Variants in HELZ observed in about 807,000 individuals in gnomAD.
HELZ encodes the protein helicase with zinc finger, also known as ATP-dependent RNA helicase with zinc finger domain.
A neutral mutation model predicts 218.2 loss-of-function variants in HELZ; 23 were observed. That is an observed-to-expected ratio of 0.11 (90% CI 0.08 to 0.15). The LOEUF (loss-of-function observed/expected upper bound fraction) is 0.15. Among genes scored for constraint, HELZ ranks in the 10% least tolerant of loss-of-function variants. The pLI, the probability that HELZ is intolerant of heterozygous loss-of-function variation, is 1.00. For synonymous variants in HELZ, 814 were observed against 829.4 expected (o/e 0.98, Z 0.32); for missense variants, 1,813 against 2,353.7 (o/e 0.77, Z 4.75).
intron 24 of HELZ, among the ~76,000 whole-genome samples, chr17:67,126,714 T>A (rs1442474380): frequency 3.5e-5 from 5 of 140,916 alleles, no homozygotes; most frequent in Non-Finnish European, 8.1e-5. Flanking sequence ...CACACAAAAC[T>A]ACTGGGCATG....
intron 3 of HELZ, among the ~76,000 whole-genome samples, chr17:67,219,844 A>G (rs1045950148): frequency 1.3e-5 from 2 of 152,236 alleles, no homozygotes; most frequent in African/African-American, 4.8e-5. Context: ...GATCACTAAA[A>G]TAGTCCAAGT....
chr17:67,227,011 T>C (rs1484336014), intron 3 of HELZ, among the ~76,000 whole-genome samples: 1 of 152,088 alleles, frequency 6.6e-6, no homozygotes, highest in African/African-American at 2.4e-5. Flanking sequence ...TATAAAAGAA[T>C]AGCATGAGGG....
At chr17:67,106,902 C>A (rs1041780540) in intron 31 of HELZ, among the ~76,000 whole-genome samples, 1 of 152,142 alleles carries the variant, frequency 6.6e-6, no homozygotes, top group African/African-American at 2.4e-5. Context: ...AAAGACAAAG[C>A]TCCTTGAATA....
intron 32 of HELZ, among the ~76,000 whole-genome samples, chr17:67,083,559 C>T (rs1466118097): frequency 6.6e-6 from 1 of 152,128 alleles, no homozygotes; most frequent in Non-Finnish European, 1.5e-5. Context: ...TCCCAGGAGG[C>T]GGAGGCTGCA....
intron 7 of HELZ, 133 bp from the exon 8 acceptor site, chr17:67,195,603 C>A: frequency 5.4e-6 from 3 of 559,016 alleles, no homozygotes; most frequent in East Asian, 2.9e-5. Context: ...TAATATGTTG[C>A]CAATGATTTT....
chr17:67,175,712 CT>C (rs1300801291), intron 13 of HELZ, among the ~76,000 whole-genome samples: 1 of 152,202 alleles, frequency 6.6e-6, no homozygotes, highest in African/African-American at 2.4e-5. Context: ...CCAGGGTTAC[CT>C]TTAGGTGAGA....
In HELZ at chr17:67,077,913, T is replaced by C. The variant is rs896038755; in HGVS notation, c.*339A>G. The C allele has an allele frequency of 6.4e-6, 1 of 157,384 alleles. No individual in the cohort carries two copies. The highest frequency in any genetic ancestry group is 1.8e-4 in the East Asian group (1 of 5,474). The allele number at this position is 157,384 out of a possible 1,614,324, so 9.7% of individuals were successfully genotyped here. ...CTTACAATTTTTTTTTCTTTTTAAA[T>C]ACATTTTAGACAAACTTTTCTTTTT... On this transcript the variant is annotated 3_prime_UTR_variant, in exon 33 of 33. Coordinates refer to ENST00000358691, the MANE Select transcript of HELZ (RefSeq NM_014877.4).
At chr17:67,176,769 G>C (rs1280780076) in intron 13 of HELZ, 1 of 152,214 alleles carries the variant, frequency 6.6e-6, no homozygotes, top group Admixed American at 6.5e-5. Context: ...CCCAGCCCGG[G>C]AGGTTGAGGC....
At chr17:67,201,386 T>C (rs532258014) in intron 6 of HELZ, among the ~76,000 whole-genome samples, 1 of 152,318 alleles carries the variant, frequency 6.6e-6, no homozygotes, top group South Asian at 2.1e-4. Context: ...GGAAAAACTA[T>C]ACAGAATGCC....
intron 3 of HELZ, among the ~76,000 whole-genome samples, chr17:67,234,392 C>T (rs2041124643): frequency 2.0e-5 from 3 of 151,816 alleles, no homozygotes; most frequent in Non-Finnish European, 2.9e-5. Flanking sequence ...CCACATCTCT[C>T]CATTCAACCT....
Position 67,077,215 on chromosome 17 carries a change from A to G in HELZ, c.*1037T>C, listed in dbSNP as rs1438101119. ...TTTAATGGTGTTCCTCAAACAAGAC[A>G]GCTAGCAAAATATTTGAATTGCCAC... On this transcript the variant is annotated 3_prime_UTR_variant, in exon 33 of 33. Coordinates refer to ENST00000358691, the MANE Select transcript of HELZ (RefSeq NM_014877.4). 2 of 152,634 alleles carry G rather than the reference A, an allele frequency of 1.3e-5. No individual in the cohort carries two copies. Among genetic ancestry groups the G allele is most frequent in the African/African-American group, 2.4e-5 (1 of 41,454 alleles). The allele number at this position is 152,634 out of a possible 1,614,324, so 9.5% of individuals were successfully genotyped here.
At chr17:67,085,941 TTTTG>T (rs1459121125) in intron 32 of HELZ, among the ~76,000 whole-genome samples, 3 of 152,228 alleles carry the variant, frequency 2.0e-5, no homozygotes, top group African/African-American at 7.2e-5. Flanking sequence ...TCTATGCCTT[TTTTG>T]TTTTTTAGCC....
chr17:67,128,928 A>G (rs1350840915), intron 23 of HELZ, 73 bp from the exon 24 acceptor site: 1 of 1,162,528 alleles, frequency 8.6e-7, no homozygotes, highest in Non-Finnish European at 1.3e-6. Context: ...AAATAACTAA[A>G]GATAATCTCA....
At chr17:67,203,279 T>A in intron 6 of HELZ, 40 bp downstream of exon 6, 2 of 1,598,720 alleles carry the variant, frequency 1.3e-6, no homozygotes, top group Non-Finnish European at 1.7e-6. Flanking sequence ...CAAATAAAAA[T>A]TTGTTTTCAG....
chr17:67,168,359 C>T (rs768601527), intron 13 of HELZ, among the ~76,000 whole-genome samples: 8 of 152,062 alleles, frequency 5.3e-5, no homozygotes, highest in Non-Finnish European at 1.0e-4. Flanking sequence ...AGAATATGCA[C>T]ATTCAAAAAA....
At chr17:67,138,748 A>C (rs950132448) in intron 21 of HELZ, among the ~76,000 whole-genome samples, 17 of 152,196 alleles carry the variant, frequency 1.1e-4, no homozygotes, top group South Asian at 8.3e-4. Context: ...CCTTGCAATA[A>C]AGCAATGCCA....
chr17:67,123,627 A>T (rs2037688207), intron 25 of HELZ, among the ~76,000 whole-genome samples: 1 of 152,184 alleles, frequency 6.6e-6, no homozygotes, highest in Non-Finnish European at 1.5e-5. Context: ...AATATTTATG[A>T]TCTGATATTT....
chr17:67,108,851 G>A lies in HELZ; in HGVS notation c.4490-125C>T. 1.3e-6 allele frequency: 1 copy of A among 780,596 alleles called. No homozygotes were observed. The highest frequency in any genetic ancestry group is 3.0e-4 in the Middle Eastern group (1 of 3,290). The allele number at this position is 780,596 out of a possible 1,614,324, so 48.4% of individuals were successfully genotyped here. A position where few individuals can be genotyped will look rare whatever the true frequency, so the allele number is the denominator to read the frequency against. On this transcript the variant is annotated intron_variant, in intron 29 of 32. Coordinates refer to ENST00000358691, the MANE Select transcript of HELZ (RefSeq NM_014877.4). The surrounding 1 kb of genome is among the most constrained non-coding windows in gnomAD (Gnocchi z 4.1). The stretch of plus-strand genomic sequence containing the variant: ...GTAGCTACAAATTTGGTTTTGGTAA[G>A]AAGTAAATGTTTTCTAAATTTGCCA...
intron 7 of HELZ, chr17:67,200,875 T>TAA: frequency 2.5e-6 from 1 of 403,824 alleles, no homozygotes; most frequent in Admixed American, 3.9e-5. Context: ...AGACAGCTAA[T>TAA]AAGATACCAG....
Sources: gnomAD v4.1 joint callset for allele counts (sites outside exome capture counted in the v4.1 genomes callset) on GRCh38, gnomAD v4.1.1 for gene constraint, Gnocchi (gnomAD v3.1) non-coding constraint, MANE v1.5 for transcripts, NCBI Gene and HGNC (gene_info 2026-07-23, HGNC 2026-07-21) for gene names.